LRRC57: variants seen among roughly 807,000 people sequenced by gnomAD.
LRRC57 encodes leucine-rich repeat-containing protein 57.
LRRC57 carries 14 observed loss-of-function variants against 23.1 expected under a neutral mutation model. The ratio of observed to expected loss-of-function variants is 0.61; its 90% confidence interval spans 0.40 to 0.95. LRRC57 has a LOEUF of 0.95. LRRC57 is among the 40% of genes least tolerant of loss of function. The pLI, the probability that LRRC57 is intolerant of heterozygous loss-of-function variation, is 0.00. For synonymous variants in LRRC57, 106 were observed against 115.2 expected (o/e 0.92, Z 0.51); for missense variants, 236 against 284.4 (o/e 0.83, Z 1.22).
At chr15:42,547,567 A>G in intron 3 of LRRC57, 38 bp from the exon 4 acceptor site, 1 of 1,566,550 alleles carries the variant, frequency 6.4e-7, no homozygotes, top group Non-Finnish European at 8.7e-7. Context: ...TGAATGTGAT[A>G]GAGCTGAAAA....
intron 5 of LRRC57, 50 bp from the exon 6 acceptor site, chr15:42,544,174 A>T (rs376431079): frequency 1.4e-6 from 2 of 1,435,760 alleles, no homozygotes; most frequent in Non-Finnish European, 1.9e-6. Context: ...TGAGTAAATA[A>T]ATATAAGCCT....
In LRRC57 at chr15:42,539,052, T is replaced by A. The variant is rs2141572715; in HGVS notation, c.*5031A>T. ...AAAATTAGCTGAGTGTGGTGGCAGA[T>A]AACCTGTAGCTCCAGCTACTTAAGA... On this transcript the variant is annotated 3_prime_UTR_variant, in exon 6 of 6. Transcript: ENST00000397130. The A allele has an allele frequency of 6.6e-6, 1 of 152,278 alleles. No individual in the cohort carries two copies. The highest frequency in any genetic ancestry group is 1.9e-4 in the East Asian group (1 of 5,172). The allele number at this position is 152,278 out of a possible 1,614,324, so 9.4% of individuals were successfully genotyped here.
chr15:42,537,263 ACG>A (rs1491422910), downstream of LRRC57, among the ~76,000 whole-genome samples: 153 of 149,964 alleles, frequency 1.0e-3, no homozygotes, highest in Non-Finnish European at 1.9e-3. Context: ...ACACACACAC[ACG>A]CACGCACACA....
In LRRC57 at chr15:42,538,330, C is replaced by T. The variant is rs1453393539; in HGVS notation, c.*5753G>A. ...TTGATATTCAAGTTTCTCATCTAGT[C>T]ATTTAAAAATTTATTTTTTCCATAA... On this transcript the variant is annotated 3_prime_UTR_variant, in exon 6 of 6. Transcript: ENST00000397130. 1 of 152,094 alleles carries T rather than the reference C, an allele frequency of 6.6e-6. No homozygotes were observed. Among genetic ancestry groups the T allele is most frequent in the Non-Finnish European group, 1.5e-5 (1 of 68,020 alleles). 9.4% of individuals were successfully genotyped at this position (152,094 alleles called of 1,614,324 possible).
Position 42,543,027 on chromosome 15 carries a change from C to G in LRRC57, c.*1056G>C, listed in dbSNP as rs938474074. ...CTGGGATTACAGGTACCCACCACCACGCCCAGCTAATTTTTGTATTTTCAG... is the reference window on the plus strand; with the variant it reads ...CTGGGATTACAGGTACCCACCACCAGGCCCAGCTAATTTTTGTATTTTCAG... On this transcript the variant is annotated 3_prime_UTR_variant, in exon 6 of 6. Transcript: ENST00000397130. The G allele has an allele frequency of 1.3e-5, 2 of 151,418 alleles. No homozygotes were observed. Among genetic ancestry groups the G allele is most frequent in the Non-Finnish European group, 2.9e-5 (2 of 67,982 alleles). The allele number at this position is 151,418 out of a possible 1,614,324, so 9.4% of individuals were successfully genotyped here. A position where few individuals can be genotyped will look rare whatever the true frequency, so the allele number is the denominator to read the frequency against.
At chr15:42,544,842 C>CTATATAGATATATATATATATATATATA (rs2057650477) in intron 5 of LRRC57, among the ~76,000 whole-genome samples, 2 of 98,038 alleles carry the variant, frequency 2.0e-5, no homozygotes, top group African/African-American at 1.3e-4. Flanking sequence ...CACACACACA[C>CTATATAGATATATATATATATATATATA]TATATATATA....
chr15:42,547,062 C>A (rs2057661743), intron 4 of LRRC57, among the ~76,000 whole-genome samples, 199 bp downstream of exon 4: 1 of 152,202 alleles, frequency 6.6e-6, no homozygotes, highest in Non-Finnish European at 1.5e-5. Context: ...AACACCTACA[C>A]AACTAACACA....
chr15:42,544,842 C>CACACAATATATATATATATATATATA, intron 5 of LRRC57, among the ~76,000 whole-genome samples: 2 of 98,040 alleles, frequency 2.0e-5, no homozygotes, highest in African/African-American at 1.3e-4. Context: ...CACACACACA[C>CACACAATATATATATATATATATATA]TATATATATA....
In LRRC57 at chr15:42,540,547, A is replaced by ATAT; in HGVS notation, c.*3535_*3536insATA. 1 of 152,120 alleles carries ATAT rather than the reference A, an allele frequency of 6.6e-6. No individual in the cohort carries two copies. The highest frequency in any genetic ancestry group is 2.4e-5 in the African/African-American group (1 of 41,410). 9.4% of individuals were successfully genotyped at this position (152,120 alleles called of 1,614,324 possible). ...GGACACTGAGGGACAAGCTGTATAAAGGAGGTCAGAAAAGACTGCACTGTG... is the reference window on the plus strand; with the variant it reads ...GGACACTGAGGGACAAGCTGTATAAATATGGAGGTCAGAAAAGACTGCACTGTG... On this transcript the variant is annotated 3_prime_UTR_variant, in exon 6 of 6. Transcript: ENST00000397130.
At chr15:42,547,111 G>T in intron 4 of LRRC57, 150 bp downstream of exon 4, 3 of 832,522 alleles carry the variant, frequency 3.6e-6, no homozygotes, top group Non-Finnish European at 5.5e-6. Context: ...TTTGGGCCTT[G>T]AAATTAGTTC....
chr15:42,544,842 C>CACACACTATATATATATATA, intron 5 of LRRC57, among the ~76,000 whole-genome samples: 4 of 98,036 alleles, frequency 4.1e-5, no homozygotes, highest in African/African-American at 2.7e-4. Context: ...CACACACACA[C>CACACACTATATATATATATA]TATATATATA....
Position 42,548,139 on chromosome 15 carries a change from G to A in LRRC57, c.190C>T (p.Leu64=). The change falls in exon 3 of 6, where the codon CTG becomes TTG. Residue 64 remains leucine, a synonymous_variant. Coordinates refer to ENST00000397130, the MANE Select transcript of LRRC57 (RefSeq NM_153260.3). The stretch of plus-strand genomic sequence containing the variant: ...TTGTTGTTCAGGGAGAGGCTCTTCA[G>A]CAGAGTGAACTTTCCTATCAGCAAA... The part of the protein sequence containing the change: ...PPLLIGKFTL[L]KSLSLNNNKL... 1 of 1,614,190 alleles carries A rather than the reference G, an allele frequency of 6.2e-7. No homozygotes were observed. Among genetic ancestry groups the A allele is most frequent in the Non-Finnish European group, 8.5e-7 (1 of 1,180,022 alleles).
At chr15:42,544,840 C>G (rs59156541) in intron 5 of LRRC57, among the ~76,000 whole-genome samples, 1 of 108,934 alleles carries the variant, frequency 9.2e-6, no homozygotes, top group African/African-American at 5.0e-5. Context: ...CACACACACA[C>G]ACTATATATA....
At chr15:42,544,842 C>CAATA in intron 5 of LRRC57, among the ~76,000 whole-genome samples, 31 of 97,996 alleles carry the variant, frequency 3.2e-4, no homozygotes, top group Non-Finnish European at 4.6e-4. Context: ...CACACACACA[C>CAATA]TATATATATA....
downstream of LRRC57, among the ~76,000 whole-genome samples, chr15:42,536,508 CAG>C (rs2057601283): frequency 6.6e-6 from 1 of 152,176 alleles, no homozygotes; most frequent in Admixed American, 6.5e-5. Context: ...AGCCTCTCCC[CAG>C]AGAAACAGGC....
the LRRC57 span, among the ~76,000 whole-genome samples, chr15:42,528,711 G>A: frequency 4.6e-3 from 702 of 152,136 alleles, 10 homozygotes; most frequent in African/African-American, 0.016. Flanking sequence ...TCAGCCTTCC[G>A]AGTAGCTGGG....
At position 42,548,786 on chromosome 15, in the gene LRRC57, C is replaced by CG. The variant is rs1480540891; in HGVS notation, c.-117dup. 1 of 982,448 alleles carries CG rather than the reference C, an allele frequency of 1.0e-6. No individual in the cohort carries two copies. The allele number at this position is 982,448 out of a possible 1,614,324, so 60.9% of individuals were successfully genotyped here. ...TCCCCGGCTTAGTCCCGGGCGGGAA[C>CG]GCCCTGTGACGTCATCGAGCCGCGC... On this transcript the variant is annotated 5_prime_UTR_variant, in exon 1 of 6. Transcript: ENST00000397130.
At chr15:42,544,840 C>CTATATATATATATATATATATAT (rs1167773259) in intron 5 of LRRC57, among the ~76,000 whole-genome samples, 4 of 108,978 alleles carry the variant, frequency 3.7e-5, no homozygotes, top group African/African-American at 2.0e-4. Flanking sequence ...CACACACACA[C>CTATATATATATATATATATATAT]ACTATATATA....
chr15:42,528,380 C>T, the LRRC57 span: 1 of 1,614,136 alleles, frequency 6.2e-7, no homozygotes, highest in South Asian at 1.1e-5. Flanking sequence ...TCAGCTTCAG[C>T]AACCAACAAC....
Sources: gnomAD v4.1 joint callset for allele counts (sites outside exome capture counted in the v4.1 genomes callset) on GRCh38, gnomAD v4.1.1 for gene constraint, MANE v1.5 for transcripts, NCBI Gene and HGNC (gene_info 2026-07-23, HGNC 2026-07-21) for gene names.